PLPPR1: variants seen among roughly 807,000 people sequenced by gnomAD.
The protein encoded by PLPPR1 is phospholipid phosphatase related 1.
PLPPR1 carries 10 observed loss-of-function variants against 33.1 expected under a neutral mutation model. The observed-to-expected ratio is 0.30, with a 90% CI of 0.19 to 0.51. PLPPR1 has a LOEUF of 0.51. PLPPR1 is among the 20% of genes least tolerant of loss of function. The pLI, the probability that PLPPR1 is intolerant of heterozygous loss-of-function variation, is 0.97. For synonymous variants in PLPPR1, 151 were observed against 151.0 expected, an observed-to-expected ratio of 1.00 and a Z score of 0.00; for missense variants, 304 against 408.1, an observed-to-expected ratio of 0.74 and a Z score of 2.20.
rs1160839486 is a variant in PLPPR1 at position 101,324,866 on chromosome 9, G to A, written c.*809G>A. The A allele has an allele frequency of 6.6e-6, 1 of 152,566 alleles. No individual in the cohort carries two copies. Among genetic ancestry groups the A allele is most frequent in the Non-Finnish European group, 1.5e-5 (1 of 68,026 alleles). 9.5% of individuals were successfully genotyped at this position (152,566 alleles called of 1,614,324 possible). A position where few individuals can be genotyped will look rare whatever the true frequency, so the allele number is the denominator to read the frequency against. On this transcript the variant is annotated 3_prime_UTR_variant, in exon 8 of 8. Transcript: ENST00000374874. Reference sequence around the variant, plus strand: ...AAATGAATATTTTACAGTTTGCACAGTATTATTTTACAGAAAAGGAATCAG... The same window carrying A: ...AAATGAATATTTTACAGTTTGCACAATATTATTTTACAGAAAAGGAATCAG...
chr9:101,097,837 T>C (rs968957840), intron 1 of PLPPR1, among the ~76,000 whole-genome samples: 2 of 152,068 alleles, frequency 1.3e-5, no homozygotes, highest in African/African-American at 4.8e-5. Context: ...GGGGGAGGTA[T>C]TTCTGTAAGA....
intron 1 of PLPPR1, among the ~76,000 whole-genome samples, chr9:101,155,786 G>C (rs950371150): frequency 7.2e-5 from 11 of 152,046 alleles, no homozygotes; most frequent in African/African-American, 2.7e-4. Context: ...TTTTAGTAGA[G>C]ATGGGGTTTC....
At chr9:101,076,045 G>A (rs1830531633) in intron 1 of PLPPR1, among the ~76,000 whole-genome samples, 1 of 152,094 alleles carries the variant, frequency 6.6e-6, no homozygotes. Flanking sequence ...ATTGGACAGG[G>A]ACTTGAGCAG....
At position 101,166,688 on chromosome 9, in the gene PLPPR1, T is replaced by A. The variant is rs990483078; in HGVS notation, c.-45-18762T>A. ...AGTGTTAAATGTAAATCTTAAAATA[T>A]AAAGCAATGGCCTCAGTAAAGCCTG... On this transcript the variant is annotated intron_variant, in intron 1 of 7. Transcript: ENST00000374874. Among the ~76,000 whole-genome samples, 6 of 152,172 alleles carry A rather than the reference T, an allele frequency of 3.9e-5. No homozygotes were observed. The South Asian group carries it at 1.2e-3, about 32-fold the overall frequency.
chr9:101,295,648 CA>C (rs1828614092), intron 4 of PLPPR1, among the ~76,000 whole-genome samples: 1 of 150,556 alleles, frequency 6.6e-6, no homozygotes. Context: ...AATAACGCCA[CA>C]TATCTACAAC....
At chr9:101,273,158 T>C (rs531932799) in intron 3 of PLPPR1, among the ~76,000 whole-genome samples, 1 of 152,328 alleles carries the variant, frequency 6.6e-6, no homozygotes, top group African/African-American at 2.4e-5. Context: ...TTCTCTTCTG[T>C]AAGAGAATCT....
chr9:101,304,166 A>C (rs1828802842), intron 4 of PLPPR1, among the ~76,000 whole-genome samples: 1 of 152,244 alleles, frequency 6.6e-6, no homozygotes, highest in Non-Finnish European at 1.5e-5. Context: ...GCCTAGCACT[A>C]TGCCCGACTT....
At chr9:101,287,418 G>A (rs536595448) in intron 4 of PLPPR1, among the ~76,000 whole-genome samples, 2 of 152,316 alleles carry the variant, frequency 1.3e-5, no homozygotes, top group South Asian at 4.1e-4. Context: ...GAAATGAGGA[G>A]AGAAGAGAAT....
chr9:101,276,032 G>T (rs963261503), intron 3 of PLPPR1, among the ~76,000 whole-genome samples: 12 of 152,114 alleles, frequency 7.9e-5, no homozygotes, highest in African/African-American at 2.9e-4. Context: ...CACAAAGTGG[G>T]CTCTCAATAA....
rs71356334 is a variant in PLPPR1, at chr9:101,118,888, G to GTTTT, written c.-45-66556_-45-66553dup. Among the ~76,000 whole-genome samples, 386 of 150,264 alleles carry GTTTT rather than the reference G, an allele frequency of 2.6e-3. 4 individuals are homozygous for GTTTT. The highest frequency in any genetic ancestry group is 4.4e-3 in the South Asian group (21 of 4,778). ...CCTATGTCTTTGACTTTGATGCCAT[G>GTTTT]TTTTTTTTTGTTTTGCTTGTTTGTT... On this transcript the variant is annotated intron_variant, in intron 1 of 7. Transcript: ENST00000374874.
At chr9:101,125,705 T>A (rs1407606408) in intron 1 of PLPPR1, 18 of 649,730 alleles carry the variant, frequency 2.8e-5, no homozygotes, top group Non-Finnish European at 4.7e-5. Context: ...ACAGGCCCCA[T>A]AAAGAACATA....
At chr9:101,046,659 G>C (rs1245558177) in intron 1 of PLPPR1, among the ~76,000 whole-genome samples, 1 of 151,702 alleles carries the variant, frequency 6.6e-6, no homozygotes, top group Non-Finnish European at 1.5e-5. Flanking sequence ...TAGCCAGGAT[G>C]GTCTCGATCT....
chr9:101,256,067 A>G (rs10819914), intron 2 of PLPPR1, among the ~76,000 whole-genome samples: 5,834 of 152,174 alleles, frequency 0.038, 198 homozygotes, highest in South Asian at 0.17. Context: ...CTGGCCATAC[A>G]CATTTGCTGC....
chr9:101,202,435 T>G (rs1422805505), intron 2 of PLPPR1, among the ~76,000 whole-genome samples: 1 of 152,228 alleles, frequency 6.6e-6, no homozygotes, highest in Non-Finnish European at 1.5e-5. Flanking sequence ...TATCCCTCCC[T>G]GGCCTCAACC....
At chr9:101,316,217 A>G (rs1443165943) in intron 6 of PLPPR1, among the ~76,000 whole-genome samples, 1 of 152,098 alleles carries the variant, frequency 6.6e-6, no homozygotes, top group Non-Finnish European at 1.5e-5. Context: ...CCAGCAGATC[A>G]TGATGTCAGG....
intron 2 of PLPPR1, among the ~76,000 whole-genome samples, chr9:101,231,289 A>C (rs555082980): frequency 1.3e-5 from 2 of 148,946 alleles, no homozygotes; most frequent in South Asian, 2.1e-4. Flanking sequence ...TAAAAAAAAA[A>C]CAAAAAAACT....
intron 1 of PLPPR1, among the ~76,000 whole-genome samples, chr9:101,050,040 G>T (rs1056555794): frequency 1.3e-5 from 2 of 148,218 alleles, no homozygotes; most frequent in African/African-American, 5.0e-5. Flanking sequence ...CAGGAGAATT[G>T]CTTCAACCTG....
At chr9:101,079,799 T>G (rs1830596384) in intron 1 of PLPPR1, among the ~76,000 whole-genome samples, 1 of 152,088 alleles carries the variant, frequency 6.6e-6, no homozygotes, top group East Asian at 1.9e-4. Context: ...AGGCTAGTCT[T>G]GAACTCCTGA....
intron 1 of PLPPR1, among the ~76,000 whole-genome samples, chr9:101,085,691 A>G (rs1165561992): frequency 2.0e-5 from 3 of 152,226 alleles, no homozygotes; most frequent in Non-Finnish European, 4.4e-5. Flanking sequence ...GGATCCCGTT[A>G]TTCCTCAGTA....
Sources: gnomAD v4.1 joint callset for allele counts (sites outside exome capture counted in the v4.1 genomes callset) on GRCh38, gnomAD v4.1.1 for gene constraint, MANE v1.5 for transcripts, NCBI Gene and HGNC (gene_info 2026-07-23, HGNC 2026-07-21) for gene names.